The following NPAS1 variants were observed in gnomAD, a reference collection of about 807,000 sequenced individuals.
NPAS1 encodes the protein neuronal PAS domain-containing protein 1.
Under a neutral mutation model 49.2 loss-of-function variants are expected in NPAS1, and 29 were observed. The ratio of observed to expected loss-of-function variants is 0.59; its 90% CI spans 0.44 to 0.80. The LOEUF is 0.80. NPAS1 is among the 30% of genes least tolerant of loss of function. The pLI, the probability that NPAS1 is intolerant of heterozygous loss-of-function variation, is 0.00. For synonymous variants in NPAS1, 408 were observed against 380.4 expected (o/e 1.07, Z -0.84); for missense variants, 825 against 835.5 (o/e 0.99, Z 0.15).
intron 3 of NPAS1, among the ~76,000 whole-genome samples, chr19:47,026,200 A>T (rs1568500867): frequency 1.3e-5 from 2 of 152,136 alleles, no homozygotes; most frequent in Non-Finnish European, 2.9e-5. Flanking sequence ...CAGCCTCCCA[A>T]AGTGCTGGGG....
intron 8 of NPAS1, among the ~76,000 whole-genome samples, chr19:47,040,182 C>T (rs1451030854): frequency 6.6e-6 from 1 of 152,150 alleles, no homozygotes; most frequent in African/African-American, 2.4e-5. Flanking sequence ...ACCACCACAA[C>T]CAGCTAATTT....
At position 47,019,858 on chromosome 19, in the gene NPAS1, T is replaced by C. The variant is rs2056827325; in HGVS notation, c.-182T>C. ...CGAGGCCGAGGTGGGCGCCGAGAGCTGGGCGCCACAGCCCGCGCGTCCCGC... is the reference window on the plus strand; with the variant it reads ...CGAGGCCGAGGTGGGCGCCGAGAGCCGGGCGCCACAGCCCGCGCGTCCCGC... On this transcript the variant is annotated 5_prime_UTR_variant, in exon 1 of 12. Transcript: ENST00000602212. The C allele has an allele frequency of 6.2e-6, 2 of 321,004 alleles. No individual in the cohort carries two copies. Among genetic ancestry groups the C allele is most frequent in the East Asian group, 1.0e-4 (2 of 20,042 alleles). 19.9% of individuals were successfully genotyped at this position (321,004 alleles called of 1,614,324 possible).
rs1235170640 is a variant in NPAS1 at position 47,041,031 on chromosome 19, G to A, written c.1123G>A (p.Gly375Arg). The A allele has an allele frequency of 4.5e-6, 7 of 1,568,496 alleles. No homozygotes were observed. Among genetic ancestry groups the A allele is most frequent in the East Asian group, 2.3e-5 (1 of 43,728 alleles). ...TTACTACCGTTGGCTGCAGCGTGCC[G>A]GGGGCTTCGTGTGGCTGCAGTCTGT... ...TGYYRWLQRA[G>R]GFVWLQSVAT... The change falls in exon 10 of 12, where the codon GGG becomes AGG. Residue 375 changes from glycine (G) to arginine (R), a missense_variant. Transcript: ENST00000602212.
rs767969390 is a variant in NPAS1 at position 47,045,161 on chromosome 19, A to C, written c.1313-30A>C. The C allele has an allele frequency of 1.1e-5, 17 of 1,601,932 alleles. No individual in the cohort carries two copies. In the Admixed American group the frequency reaches 2.0e-4, roughly 19 times the overall value. ...TGGGAAGACTGAGGGCTGGGGACAC[A>C]CACAGGCCCTCAGCATCTTCCTCTT... On this transcript the variant is annotated intron_variant, in intron 11 of 11. Coordinates refer to ENST00000602212, the MANE Select transcript of NPAS1 (RefSeq NM_002517.4).
At chr19:47,039,624 A>G (rs958620682) in intron 8 of NPAS1, 60 bp downstream of exon 8, 7 of 1,504,090 alleles carry the variant, frequency 4.7e-6, no homozygotes, top group East Asian at 2.3e-5. Context: ...CTGGGGGTAC[A>G]TGGGGAGTCA....
At position 47,045,447 on chromosome 19, in the gene NPAS1, C is replaced by T. The variant is rs2057067941; in HGVS notation, c.1569C>T (p.Leu523=). 3.8e-6 allele frequency: 6 copies of T among 1,598,452 alleles called. No individual in the cohort carries two copies. The highest frequency in any genetic ancestry group is 5.1e-6 in the Non-Finnish European group (6 of 1,174,166). ...CTCCCGGGGACCCCCCGCCCACCCT[C>T]CTGCACGCGGGCTTCCTGCCGCCGG... ...LAPPGDPPPT[L]LHAGFLPPVV... is the part of the protein sequence containing the mutation. The change falls in exon 12 of 12, where the codon CTC becomes CTT. Residue 523 remains leucine, a synonymous_variant. Coordinates refer to ENST00000602212, the MANE Select transcript of NPAS1 (RefSeq NM_002517.4).
At chr19:47,030,010 GTTTTGT>G (rs1282197310) in intron 3 of NPAS1, among the ~76,000 whole-genome samples, 2 of 151,902 alleles carry the variant, frequency 1.3e-5, no homozygotes, top group Admixed American at 6.6e-5. Flanking sequence ...TTTTTGTTTT[GTTTTGT>G]TTTTGTTTTT....
intron 3 of NPAS1, among the ~76,000 whole-genome samples, chr19:47,023,769 A>G (rs11666752): frequency 0.57 from 86,838 of 151,870 alleles, 25,538 homozygotes; most frequent in Middle Eastern, 0.77. Context: ...CCAGGGCAAC[A>G]TAGCAAAACC....
At chr19:47,023,976 G>A (rs2056857351) in intron 3 of NPAS1, among the ~76,000 whole-genome samples, 1 of 152,006 alleles carries the variant, frequency 6.6e-6, no homozygotes, top group South Asian at 2.1e-4. Flanking sequence ...GTGGTGGTGT[G>A]TGCCTGTAGT....
intron 7 of NPAS1, 97 bp downstream of exon 7, chr19:47,039,248 G>T: frequency 6.9e-7 from 1 of 1,453,502 alleles, no homozygotes; most frequent in South Asian, 1.3e-5. Context: ...CTGGCTGCAG[G>T]TGGCTTAGGG....
chr19:47,040,326 C>G (rs986929538), intron 8 of NPAS1, 118 bp from the exon 9 acceptor site: 1 of 660,114 alleles, frequency 1.5e-6, no homozygotes, highest in East Asian at 2.8e-5. Flanking sequence ...CCTGCCAACA[C>G]TGTTATTGCA....
rs767100934 is a variant in NPAS1, at chr19:47,036,092, CTCCTCTTCCTCT to C, written c.654_665del (p.Ser219_Ser222del). 6 of 1,581,190 alleles carry C rather than the reference CTCCTCTTCCTCT, an allele frequency of 3.8e-6. No homozygotes were observed. Among genetic ancestry groups the C allele is most frequent in the African/African-American group, 1.3e-5 (1 of 74,102 alleles). ...CCCCGCCCTCCGTCTCCTCTTCCTC[CTCCTCTTCCTCT>C]TCGCTTGCAGATACCCCCGAGATCG... is the stretch of plus-strand genomic sequence containing the variant. On this transcript the variant is annotated inframe_deletion, in exon 6 of 12. Transcript: ENST00000602212.
chr19:47,026,711 T>C (rs2056872862), intron 3 of NPAS1, among the ~76,000 whole-genome samples: 1 of 152,066 alleles, frequency 6.6e-6, no homozygotes, highest in South Asian at 2.1e-4. Flanking sequence ...TCCCAGCACT[T>C]TGTGAGGCCG....
At chr19:47,026,999 A>C (rs562523383) in intron 3 of NPAS1, among the ~76,000 whole-genome samples, 6 of 151,886 alleles carry the variant, frequency 4.0e-5, no homozygotes, top group Non-Finnish European at 7.4e-5. Flanking sequence ...GACTCCCAGT[A>C]TTAGGCACCT....
intron 5 of NPAS1, among the ~76,000 whole-genome samples, chr19:47,034,640 G>A (rs1301658817): frequency 1.3e-5 from 2 of 152,142 alleles, no homozygotes; most frequent in African/African-American, 4.8e-5. Context: ...ACTTTGGGAG[G>A]CAAAAGCAGG....
intron 5 of NPAS1, among the ~76,000 whole-genome samples, chr19:47,034,105 G>A (rs1170300505): frequency 6.9e-6 from 1 of 145,106 alleles, no homozygotes; most frequent in African/African-American, 2.5e-5. Context: ...GGGAATTCAA[G>A]ACCAGCCTGA....
intron 1 of NPAS1, among the ~76,000 whole-genome samples, chr19:47,020,587 G>C (rs979525025): frequency 5.9e-5 from 9 of 151,568 alleles, no homozygotes; most frequent in African/African-American, 1.9e-4. Flanking sequence ...GGATGGGCTT[G>C]GGGGGCGGGT....
Position 47,039,451 on chromosome 19 carries a change from T to C in NPAS1, c.849T>C (p.Leu283=). The part of the protein sequence containing the change: ...TGRLRAHALG[L]VALGHTLPPA... ...GCCTTCGGGCCCACGCCCTGGGCCT[T>C]GTGGCCCTCGGGCACACGTTGCCCC... is the stretch of plus-strand genomic sequence containing the variant. The change falls in exon 8 of 12, where the codon CTT becomes CTC. Residue 283 remains leucine (L), a synonymous_variant. Coordinates refer to ENST00000602212, the MANE Select transcript of NPAS1 (RefSeq NM_002517.4). The C allele has an allele frequency of 1.9e-6, 3 of 1,611,796 alleles. No homozygotes were observed. Among genetic ancestry groups the C allele is most frequent in the African/African-American group, 2.7e-5 (2 of 74,998 alleles).
At chr19:47,038,885 A>C (rs2056988937) in intron 6 of NPAS1, 151 bp from the exon 7 acceptor site, 2 of 651,456 alleles carry the variant, frequency 3.1e-6, no homozygotes. Flanking sequence ...TACTGTCCCC[A>C]TGAGCTTTCA....
Sources: allele counts gnomAD v4.1 joint callset (sites outside exome capture counted in the v4.1 genomes callset), GRCh38; gene constraint gnomAD v4.1.1; transcripts MANE v1.5; gene names NCBI Gene and HGNC (gene_info 2026-07-23, HGNC 2026-07-21).